DACH2: variants seen among roughly 807,000 people sequenced by gnomAD.
DACH2 encodes the protein dachshund homolog 2.
A neutral mutation model predicts 35.8 loss-of-function variants in DACH2; 17 were observed. That is an observed-to-expected ratio of 0.48 (90% confidence interval 0.33 to 0.71). The LOEUF is 0.71. DACH2 is among the 30% of genes least tolerant of loss of function. The pLI, the probability that DACH2 is intolerant of heterozygous loss-of-function variation, is 0.02. For missense variants in DACH2, 469 were observed against 472.7 expected (o/e 0.99, Z 0.07); for synonymous variants, 195 against 177.3 (o/e 1.10, Z -0.79).
intron 1 of DACH2, among the ~76,000 whole-genome samples, chrX:86,367,819 G>C (rs2035828323): frequency 8.9e-6 from 1 of 111,740 alleles, no homozygotes; most frequent in Non-Finnish European, 1.9e-5. Flanking sequence ...CATAAGCTCA[G>C]AGTTCTCCTT....
At chrX:86,801,965 A>C (rs1268267453) in intron 7 of DACH2, among the ~76,000 whole-genome samples, 2 of 112,083 alleles carry the variant, frequency 1.8e-5, no homozygotes, top group East Asian at 5.6e-4. Flanking sequence ...CTATATCTAG[A>C]AAACCAACTG....
chrX:86,229,148 A>G (rs928391941), intron 1 of DACH2, among the ~76,000 whole-genome samples: 4 of 111,562 alleles, frequency 3.6e-5, no homozygotes, highest in Admixed American at 1.9e-4. Flanking sequence ...TTTGTGTAAG[A>G]TGAGAGATGA....
chrX:86,428,000 T>C lies in DACH2; in HGVS notation c.527+51138T>C, dbSNP rs1316170217. ...TGGTTGAGTAATGAAAAAGCGTGGA[T>C]TGTTATTCAAATTTCAGCTCACTTA... On this transcript the variant is annotated intron_variant, in intron 2 of 11. Transcript: ENST00000373125. 2.7e-5 allele frequency among the ~76,000 whole-genome samples: 3 copies of C among 111,675 alleles called. No individual in the cohort carries two copies. In the Admixed American group the frequency reaches 2.9e-4, roughly 11 times the overall value.
intron 7 of DACH2, among the ~76,000 whole-genome samples, chrX:86,793,526 C>T (rs1156540250): frequency 9.0e-6 from 1 of 111,687 alleles, no homozygotes; most frequent in African/African-American, 3.2e-5. Context: ...TTCCCATTTA[C>T]AAACATAAAT....
At chrX:86,340,423 C>T (rs961706553) in intron 1 of DACH2, among the ~76,000 whole-genome samples, 1 of 111,372 alleles carries the variant, frequency 9.0e-6, no homozygotes, top group Non-Finnish European at 1.9e-5. Context: ...GTGTAAATGG[C>T]AAACTTAATC....
intron 1 of DACH2, among the ~76,000 whole-genome samples, chrX:86,215,726 T>A (rs892150087): frequency 9.0e-6 from 1 of 111,718 alleles, no homozygotes; most frequent in Non-Finnish European, 1.9e-5. Context: ...TAGGGTCTTG[T>A]CTTCCTGATA....
chrX:86,750,424 T>A (rs919388835), intron 7 of DACH2, among the ~76,000 whole-genome samples: 5 of 112,123 alleles, frequency 4.5e-5, no homozygotes, highest in African/African-American at 1.6e-4. Flanking sequence ...CTATTATTAT[T>A]CTTTGTTGTA....
chrX:86,720,940 A>G (rs1436182531), intron 6 of DACH2, among the ~76,000 whole-genome samples: 1 of 112,227 alleles, frequency 8.9e-6, no homozygotes, highest in Non-Finnish European at 1.9e-5. Flanking sequence ...CAGGCCTAAC[A>G]CCACATGGAA....
intron 11 of DACH2, among the ~76,000 whole-genome samples, chrX:86,826,993 T>A (rs1461128345): frequency 8.9e-6 from 1 of 112,100 alleles, no homozygotes; most frequent in Admixed American, 9.5e-5. Context: ...AAAGGTTTGA[T>A]AGCCTAAAGT....
chrX:86,408,405 A>T (rs748935987), intron 2 of DACH2, among the ~76,000 whole-genome samples: 12 of 111,610 alleles, frequency 1.1e-4, no homozygotes, highest in Non-Finnish European at 2.1e-4. Flanking sequence ...GTATGACTCA[A>T]GGGTTATGGG....
intron 2 of DACH2, among the ~76,000 whole-genome samples, chrX:86,444,144 G>A (rs1481131340): frequency 8.9e-6 from 1 of 111,776 alleles, no homozygotes; most frequent in Non-Finnish European, 1.9e-5. Context: ...AGGCTGGAAT[G>A]CAGTAGTGCT....
chrX:86,592,091 C>A lies in DACH2; in HGVS notation c.641-58945C>A, dbSNP rs1288268411. The stretch of plus-strand genomic sequence containing the variant: ...GCTTATGGTGTTATATCTAAAAAGT[C>A]TTCATCAAACCCAAGGTATATTAGA... On this transcript the variant is annotated intron_variant, in intron 3 of 11. Transcript: ENST00000373125. Among the ~76,000 whole-genome samples the A allele has an allele frequency of 1.5e-4, 17 of 110,559 alleles. No individual in the cohort carries two copies. In the South Asian group the frequency reaches 5.7e-3, roughly 37 times the overall value.
At chrX:86,777,502 ACT>A (rs1193019423) in intron 7 of DACH2, among the ~76,000 whole-genome samples, 4 of 110,795 alleles carry the variant, frequency 3.6e-5, no homozygotes, top group African/African-American at 3.3e-5. Flanking sequence ...ATATTAAGTG[ACT>A]CTCTATTTTC....
intron 3 of DACH2, among the ~76,000 whole-genome samples, chrX:86,639,139 A>G (rs1230170013): frequency 2.7e-5 from 3 of 111,685 alleles, no homozygotes; most frequent in Non-Finnish European, 5.6e-5. Flanking sequence ...CTGCCAGTAA[A>G]CACAACATCT....
In DACH2 at chrX:86,316,762, A is replaced by G. The variant is rs999983746; in HGVS notation, c.489-60062A>G. On this transcript the variant is annotated intron_variant, in intron 1 of 11. Coordinates refer to ENST00000373125, the MANE Select transcript of DACH2 (RefSeq NM_053281.3). ...CATTTTCATTTTTGGCTCCATTTGC[A>G]GCACCATCTGAAGCTTGATGGCTTG... is the stretch of plus-strand genomic sequence containing the variant. Among the ~76,000 whole-genome samples, 6 of 111,002 alleles carry G rather than the reference A, an allele frequency of 5.4e-5. No individual in the cohort carries two copies. In the East Asian group the frequency reaches 1.4e-3, roughly 26 times the overall value.
chrX:86,796,831 G>A (rs185989320), intron 7 of DACH2, among the ~76,000 whole-genome samples: 2 of 111,626 alleles, frequency 1.8e-5, no homozygotes, highest in African/African-American at 3.3e-5. Flanking sequence ...CTTATTTGCA[G>A]GGGATATGTT....
intron 2 of DACH2, among the ~76,000 whole-genome samples, chrX:86,411,587 T>C (rs1209251064): frequency 9.0e-6 from 1 of 111,637 alleles, no homozygotes; most frequent in Admixed American, 9.5e-5. Context: ...CTAATACTAT[T>C]ATATAAAGTT....
Position 86,180,176 on chromosome X carries a change from GTATATA to G in DACH2, c.488+31094_488+31099del, listed in dbSNP as rs72366047. Among the ~76,000 whole-genome samples, 34 of 42,910 alleles carry G rather than the reference GTATATA, an allele frequency of 7.9e-4. 3 individuals carry two copies. Among genetic ancestry groups the G allele is most frequent in the African/African-American group, 1.5e-3 (19 of 12,506 alleles). 37.3% of individuals were successfully genotyped at this position (42,910 alleles called of 115,157 possible). On this transcript the variant is annotated intron_variant, in intron 1 of 11. Coordinates refer to ENST00000373125, the MANE Select transcript of DACH2 (RefSeq NM_053281.3). ...TGTCCCCTAGCAACCATGCTAAACC[GTATATA>G]TATATATATATATATATATATATAT...
chrX:86,202,808 C>T (rs2032189826), intron 1 of DACH2, among the ~76,000 whole-genome samples: 1 of 110,659 alleles, frequency 9.0e-6, no homozygotes, highest in Non-Finnish European at 1.9e-5. Flanking sequence ...ATAACATTGA[C>T]AAGATTTGGT....
Sources: allele counts gnomAD v4.1 joint callset (sites outside exome capture counted in the v4.1 genomes callset), GRCh38; gene constraint gnomAD v4.1.1; transcripts MANE v1.5; gene names NCBI Gene and HGNC (gene_info 2026-07-23, HGNC 2026-07-21).